KCNH5: variants seen among roughly 807,000 people sequenced by gnomAD.
The protein encoded by KCNH5 is voltage-gated delayed rectifier potassium channel KCNH5.
Under a neutral mutation model 96.1 loss-of-function variants are expected in KCNH5, and 46 were observed. The ratio of observed to expected loss-of-function variants is 0.48; its 90% CI spans 0.38 to 0.61. The LOEUF (loss-of-function observed/expected upper bound fraction) is 0.61, where lower values mean the gene tolerates loss of function less well. Among genes scored for constraint, KCNH5 ranks in the 20% least tolerant of loss-of-function variants. The pLI is 0.00. For missense variants in KCNH5, 907 were observed against 1,225.8 expected (o/e 0.74, Z 3.88); for synonymous variants, 439 against 449.8 (o/e 0.98, Z 0.30).
chr14:62,868,501 G>A (rs1888182325), intron 7 of KCNH5, among the ~76,000 whole-genome samples: 2 of 152,100 alleles, frequency 1.3e-5, no homozygotes, highest in African/African-American at 2.4e-5. Context: ...ATGGTCTCAT[G>A]ATCATTCTGT....
intron 8 of KCNH5, among the ~76,000 whole-genome samples, chr14:62,821,471 C>T (rs1017342671): frequency 2.0e-5 from 3 of 152,034 alleles, no homozygotes; most frequent in Non-Finnish European, 4.4e-5. Context: ...TTAAGAAATG[C>T]CTTTAAAGCT....
In KCNH5 at chr14:62,997,893, C is replaced by G. The variant is rs542406293; in HGVS notation, c.433+3438G>C. Among the ~76,000 whole-genome samples the G allele has an allele frequency of 1.6e-4, 20 of 121,616 alleles. No individual in the cohort carries two copies. In the South Asian group the frequency reaches 5.2e-3, roughly 31 times the overall value. 79.8% of individuals were successfully genotyped at this position (121,616 alleles called of 152,430 possible). A position where few individuals can be genotyped will look rare whatever the true frequency, so the allele number is the denominator to read the frequency against. On this transcript the variant is annotated intron_variant, in intron 4 of 10. Transcript: ENST00000322893. ...CCAACCTGGGGGACAGAGCCAGACTCCATCTCAAAAAAAAAAAAAAAAAAA... is the reference window on the plus strand; with the variant it reads ...CCAACCTGGGGGACAGAGCCAGACTGCATCTCAAAAAAAAAAAAAAAAAAA...
Position 63,045,272 on chromosome 14 carries a change from T to C in KCNH5, c.-86A>G. ...AAGGTGGAGGAAGAGGAGGAAAAGGTGGAAGAGAAGATTGAGCCGAAAGAA... is the reference window on the plus strand; with the variant it reads ...AAGGTGGAGGAAGAGGAGGAAAAGGCGGAAGAGAAGATTGAGCCGAAAGAA... On this transcript the variant is annotated 5_prime_UTR_variant, in exon 1 of 11. Coordinates refer to ENST00000322893, the MANE Select transcript of KCNH5 (RefSeq NM_139318.5). 9.1e-7 allele frequency: 1 copy of C among 1,099,556 alleles called. No individual in the cohort carries two copies. The highest frequency in any genetic ancestry group is 1.8e-5 in the Admixed American group (1 of 57,080). The allele number at this position is 1,099,556 out of a possible 1,614,324, so 68.1% of individuals were successfully genotyped here. A position where few individuals can be genotyped will look rare whatever the true frequency, so the allele number is the denominator to read the frequency against.
chr14:62,943,164 T>G (rs1889821459), intron 7 of KCNH5, among the ~76,000 whole-genome samples: 2 of 152,178 alleles, frequency 1.3e-5, no homozygotes, highest in Non-Finnish European at 2.9e-5. Context: ...TAGAAAATTA[T>G]AATGAAATAT....
chr14:62,791,077 T>C (rs1015830692), intron 9 of KCNH5, among the ~76,000 whole-genome samples: 1 of 151,754 alleles, frequency 6.6e-6, no homozygotes, highest in African/African-American at 2.4e-5. Flanking sequence ...AGTCTTTAGT[T>C]GTTCCCCATT....
intron 8 of KCNH5, among the ~76,000 whole-genome samples, chr14:62,809,910 C>A (rs1444522327): frequency 6.6e-6 from 1 of 151,980 alleles, no homozygotes; most frequent in African/African-American, 2.4e-5. Context: ...TTAGAAGAAA[C>A]AAGAGGGATG....
chr14:62,878,203 G>T (rs1443207385), intron 7 of KCNH5, among the ~76,000 whole-genome samples: 39 of 59,766 alleles, frequency 6.5e-4, no homozygotes, highest in Middle Eastern at 9.6e-3. Context: ...TGTGGGGATG[G>T]GGGGGGGGGC....
At position 62,802,367 on chromosome 14, in the gene KCNH5, A is replaced by C. The variant is rs1281777247; in HGVS notation, c.1784T>G (p.Leu595Trp). The C allele has an allele frequency of 6.2e-7, 1 of 1,613,956 alleles. No individual in the cohort carries two copies. Among genetic ancestry groups the C allele is most frequent in the African/African-American group, 1.3e-5 (1 of 74,914 alleles). Residue 595 changes from leucine (L) to tryptophan (W), a missense_variant, in exon 9 of 11, where the codon TTG becomes TGG. By Grantham distance (61) the Leu-to-Trp change is moderately conservative. Transcript: ENST00000322893. ...CACCTCATCATCCTGGATGACTTCC[A>C]AGGATCCTGACACCACAAAGCAGAG... ...DALCFVVSGS[L>W]EVIQDDEVVA...
intron 1 of KCNH5, among the ~76,000 whole-genome samples, chr14:63,020,332 G>A (rs1469468144): frequency 6.6e-6 from 1 of 152,070 alleles, no homozygotes; most frequent in Non-Finnish European, 1.5e-5. Context: ...GAAAACATAT[G>A]TTTACAAAAA....
At position 62,701,603 on chromosome 14, in the gene KCNH5, T is replaced by C. The variant is rs1466570255; in HGVS notation, c.*5905A>G. On this transcript the variant is annotated 3_prime_UTR_variant, in exon 11 of 11. Transcript: ENST00000322893. The stretch of plus-strand genomic sequence containing the variant: ...AGTCATTATTTTAAAAGTAGGATTC[T>C]TCCTTTCTATGATTACCTCTGGCTC... 1 of 152,152 alleles carries C rather than the reference T, an allele frequency of 6.6e-6. No individual in the cohort carries two copies. Among genetic ancestry groups the C allele is most frequent in the Non-Finnish European group, 1.5e-5 (1 of 67,990 alleles). The allele number at this position is 152,152 out of a possible 1,614,324, so 9.4% of individuals were successfully genotyped here.
chr14:62,908,709 T>A (rs551007047), intron 7 of KCNH5, among the ~76,000 whole-genome samples: 33 of 151,854 alleles, frequency 2.2e-4, no homozygotes, highest in Non-Finnish European at 3.7e-4. Flanking sequence ...GTGAAAGAAT[T>A]TTTGGAAGAT....
chr14:62,890,078 A>G (rs1888674767), intron 7 of KCNH5, among the ~76,000 whole-genome samples: 1 of 152,190 alleles, frequency 6.6e-6, no homozygotes, highest in African/African-American at 2.4e-5. Context: ...ACAAAAATCA[A>G]TGCAAGATGG....
At chr14:62,758,404 T>C (rs578027557) in intron 10 of KCNH5, among the ~76,000 whole-genome samples, 135 of 152,162 alleles carry the variant, frequency 8.9e-4, no homozygotes, top group Non-Finnish European at 1.6e-3. Context: ...CCACTGAAGT[T>C]AAAAATAAAA....
At chr14:62,796,647 G>C (rs149191002) in intron 9 of KCNH5, among the ~76,000 whole-genome samples, 72 of 152,316 alleles carry the variant, frequency 4.7e-4, no homozygotes, top group African/African-American at 1.7e-3. Flanking sequence ...ATCTGAGACA[G>C]GTCTTGGTTA....
At position 62,708,038 on chromosome 14, in the gene KCNH5, G is replaced by A. The variant is rs1479096784; in HGVS notation, c.2437C>T (p.Arg813Ter). ...MKNGNGKGWL[R>*]LKNNMGAHEE... ...TGGGCTCCCATATTATTCTTGAGTCGCAGCCACCCTTTTCCATTTCCATTC... is the reference window on the plus strand; with the variant it reads ...TGGGCTCCCATATTATTCTTGAGTCACAGCCACCCTTTTCCATTTCCATTC... Residue 813 changes from arginine to a stop codon, truncating the protein, a stop_gained, in exon 11 of 11, where the codon CGA (arginine) becomes TGA (stop). Coordinates refer to ENST00000322893, the MANE Select transcript of KCNH5 (RefSeq NM_139318.5). LOFTEE classifies it high-confidence loss of function. The A allele has an allele frequency of 5.0e-6, 8 of 1,614,036 alleles. No individual in the cohort carries two copies. The highest frequency in any genetic ancestry group is 2.2e-5 in the East Asian group (1 of 44,878).
chr14:62,898,626 T>C (rs557444871), intron 7 of KCNH5, among the ~76,000 whole-genome samples: 86 of 151,966 alleles, frequency 5.7e-4, no homozygotes, highest in South Asian at 3.9e-3. Flanking sequence ...TTCAAAAGAG[T>C]ATAAGAACAT....
intron 7 of KCNH5, among the ~76,000 whole-genome samples, chr14:62,916,802 C>CA (rs1272108679): frequency 1.3e-5 from 2 of 152,196 alleles, no homozygotes; most frequent in Non-Finnish European, 2.9e-5. Context: ...GCTCTGAAAA[C>CA]AGTCTTCTCA....
chr14:62,851,111 T>A (rs1247504784), intron 7 of KCNH5, among the ~76,000 whole-genome samples: 1 of 152,104 alleles, frequency 6.6e-6, no homozygotes, highest in East Asian at 1.9e-4. Flanking sequence ...AAATTACAAT[T>A]TCACAACAGA....
At chr14:62,882,473 A>C (rs1399354825) in intron 7 of KCNH5, among the ~76,000 whole-genome samples, 4 of 152,180 alleles carry the variant, frequency 2.6e-5, no homozygotes, top group Non-Finnish European at 5.9e-5. Context: ...TACACTCAGT[A>C]ACCAGACTTA....
Sources: allele counts gnomAD v4.1 joint callset (sites outside exome capture counted in the v4.1 genomes callset), GRCh38; gene constraint gnomAD v4.1.1; transcripts MANE v1.5; gene names NCBI Gene and HGNC (gene_info 2026-07-23, HGNC 2026-07-21).